Variants in MYO10 observed in about 807,000 individuals in gnomAD.
MYO10 encodes myosin X.
Under a neutral mutation model 257.3 loss-of-function variants are expected in MYO10, and 133 were observed. The observed-to-expected ratio is 0.52, with a 90% CI of 0.45 to 0.60. MYO10 has a LOEUF of 0.60. MYO10 is among the 20% of genes least tolerant of loss of function. The probability of loss-of-function intolerance (pLI) is 0.00; values close to 1 mark genes in which losing one functional copy is unlikely to be tolerated. For synonymous variants in MYO10, 1,104 were observed against 1,028.6 expected (o/e 1.07, Z -1.40); for missense variants, 2,399 against 2,635.7 (o/e 0.91, Z 1.97).
intron 3 of MYO10, among the ~76,000 whole-genome samples, chr5:16,814,055 G>C (rs1442574831): frequency 6.6e-6 from 1 of 152,206 alleles, no homozygotes; most frequent in Non-Finnish European, 1.5e-5. Context: ...CTCCTCTAGA[G>C]CATCTGGAAA....
chr5:16,893,648 A>AG (rs1554006830), intron 1 of MYO10, among the ~76,000 whole-genome samples: 2,479 of 146,802 alleles, frequency 0.017, 94 homozygotes, highest in African/African-American at 0.061. Flanking sequence ...AAAAAAAAAA[A>AG]AAAAGAAAAT....
intron 33 of MYO10, among the ~76,000 whole-genome samples, chr5:16,679,350 A>G (rs1183879086): frequency 6.6e-6 from 1 of 152,196 alleles, no homozygotes; most frequent in African/African-American, 2.4e-5. Context: ...CCACAGTGCA[A>G]GCTGCAGACC....
chr5:16,792,161 A>G (rs1372391193), intron 4 of MYO10, among the ~76,000 whole-genome samples: 8 of 148,272 alleles, frequency 5.4e-5, no homozygotes, highest in African/African-American at 1.8e-4. Flanking sequence ...AGAGAGAGAG[A>G]GAGGGAGAGA....
chr5:16,823,209 A>G (rs1004208172), intron 2 of MYO10, among the ~76,000 whole-genome samples: 1 of 150,120 alleles, frequency 6.7e-6, no homozygotes, highest in African/African-American at 2.4e-5. Context: ...TGGGAGGCTG[A>G]GGCAGTCAGC....
chr5:16,915,983 T>C, intron 1 of MYO10: 1 of 440,722 alleles, frequency 2.3e-6, no homozygotes, highest in Non-Finnish European at 4.5e-6. Flanking sequence ...AAAAAATCAC[T>C]CACCATACAT....
rs1332104872 is a variant in MYO10 at position 16,666,084 on chromosome 5, T to G, written c.*608A>C. 6.5e-6 allele frequency: 1 copy of G among 152,740 alleles called. No homozygotes were observed. Among genetic ancestry groups the G allele is most frequent in the African/African-American group, 2.4e-5 (1 of 41,464 alleles). The allele number at this position is 152,740 out of a possible 1,614,324, so 9.5% of individuals were successfully genotyped here. A position where few individuals can be genotyped will look rare whatever the true frequency, so the allele number is the denominator to read the frequency against. ...AACCATGATTAAAGTGTTGAGTTTA[T>G]GAACACATGCACGAACAGGCAAGCA... is the stretch of plus-strand genomic sequence containing the variant. On this transcript the variant is annotated 3_prime_UTR_variant, in exon 41 of 41. Coordinates refer to ENST00000513610, the MANE Select transcript of MYO10 (RefSeq NM_012334.3).
At chr5:16,873,525 T>C (rs1358398382) in intron 2 of MYO10, among the ~76,000 whole-genome samples, 1 of 152,190 alleles carries the variant, frequency 6.6e-6, no homozygotes, top group Non-Finnish European at 1.5e-5. Flanking sequence ...CACTAGGCGG[T>C]ACCCCAGTAG....
intron 2 of MYO10, among the ~76,000 whole-genome samples, chr5:16,832,808 C>T (rs1012028530): frequency 6.6e-6 from 1 of 152,196 alleles, no homozygotes; most frequent in African/African-American, 2.4e-5. Flanking sequence ...AAACTGACCT[C>T]GGCATCTCCT....
At chr5:16,878,927 C>T (rs1280041612) in intron 1 of MYO10, among the ~76,000 whole-genome samples, 1 of 150,796 alleles carries the variant, frequency 6.6e-6, no homozygotes, top group African/African-American at 2.4e-5. Context: ...GAAATCACCA[C>T]TGAATAACAT....
intron 21 of MYO10, among the ~76,000 whole-genome samples, chr5:16,710,293 C>A (rs1229435362): frequency 6.6e-6 from 1 of 152,138 alleles, no homozygotes; most frequent in East Asian, 1.9e-4. Flanking sequence ...TTCCCTGATC[C>A]AGAAAGAAGA....
At chr5:16,880,074 G>A (rs1484096686) in intron 1 of MYO10, among the ~76,000 whole-genome samples, 4 of 152,190 alleles carry the variant, frequency 2.6e-5, no homozygotes, top group Non-Finnish European at 5.9e-5. Context: ...CAGCTTCTCA[G>A]GAGGCTGAGG....
At chr5:16,815,455 T>A in intron 3 of MYO10, 1 of 701,382 alleles carries the variant, frequency 1.4e-6, no homozygotes, top group South Asian at 1.5e-5. Flanking sequence ...ATATTCAACC[T>A]ATCTGCACCT....
At chr5:16,729,737 C>T (rs1230655815) in intron 19 of MYO10, among the ~76,000 whole-genome samples, 4 of 152,288 alleles carry the variant, frequency 2.6e-5, no homozygotes, top group South Asian at 2.1e-4. Flanking sequence ...AGCCACCGCA[C>T]CCAGCCTAAA....
At chr5:16,864,041 C>T (rs542904602) in intron 2 of MYO10, among the ~76,000 whole-genome samples, 8 of 152,066 alleles carry the variant, frequency 5.3e-5, no homozygotes, top group African/African-American at 1.9e-4. Context: ...GAGGTTGCAG[C>T]GAGCCAAGAT....
At chr5:16,684,767 C>T (rs969281347) in intron 29 of MYO10, among the ~76,000 whole-genome samples, 2 of 152,090 alleles carry the variant, frequency 1.3e-5, no homozygotes, top group Non-Finnish European at 2.9e-5. Flanking sequence ...ATTTGGATTT[C>T]GGCCCAGCAC....
At chr5:16,768,737 T>C (rs899956461) in intron 10 of MYO10, among the ~76,000 whole-genome samples, 1 of 130,834 alleles carries the variant, frequency 7.6e-6, no homozygotes, top group East Asian at 2.6e-4. Flanking sequence ...TGCAGTGGCA[T>C]CATCTCAGCT....
chr5:16,862,723 T>C (rs1338133285), intron 2 of MYO10, among the ~76,000 whole-genome samples: 1 of 152,182 alleles, frequency 6.6e-6, no homozygotes, highest in African/African-American at 2.4e-5. Context: ...ATTTTCAGTA[T>C]TCACAGGGAC....
At chr5:16,877,450 T>C (rs1046097063) in intron 2 of MYO10, among the ~76,000 whole-genome samples, 159 bp downstream of exon 2, 43 of 152,324 alleles carry the variant, frequency 2.8e-4, no homozygotes, top group Non-Finnish European at 4.3e-4. Flanking sequence ...TACACACACA[T>C]GGTTTACATT....
intron 19 of MYO10, among the ~76,000 whole-genome samples, chr5:16,749,832 G>T (rs948745301): frequency 6.6e-6 from 1 of 152,214 alleles, no homozygotes; most frequent in Admixed American, 6.5e-5. Context: ...TTCCTGATGT[G>T]TATCAGTCTG....
Sources: allele counts gnomAD v4.1 joint callset (sites outside exome capture counted in the v4.1 genomes callset), GRCh38; gene constraint gnomAD v4.1.1; transcripts MANE v1.5; gene names NCBI Gene and HGNC (gene_info 2026-07-23, HGNC 2026-07-21).